FOXP1: variants seen among roughly 807,000 people sequenced by gnomAD.
The protein encoded by FOXP1 is forkhead box P1.
A neutral mutation model predicts 98.2 loss-of-function variants in FOXP1; 15 were observed. The ratio of observed to expected loss-of-function variants is 0.15; its 90% CI spans 0.10 to 0.24. The LOEUF is 0.24. Ranked by LOEUF, FOXP1 falls within the 10% of genes least tolerant of loss-of-function variation. The probability of loss-of-function intolerance (pLI) is 1.00; values close to 1 mark genes in which losing one functional copy is unlikely to be tolerated. For missense variants in FOXP1, 633 were observed against 848.5 expected (o/e 0.75, Z 3.15); for synonymous variants, 371 against 314.5 (o/e 1.18, Z -1.90).
At chr3:71,123,832 G>C (rs937327493) in intron 6 of FOXP1, among the ~76,000 whole-genome samples, 1 of 152,060 alleles carries the variant, frequency 6.6e-6, no homozygotes, top group African/African-American at 2.4e-5. Context: ...CCTGGTCCCT[G>C]GTCATTGGGG....
chr3:71,151,565 T>C (rs571507941), intron 6 of FOXP1, among the ~76,000 whole-genome samples: 9 of 151,856 alleles, frequency 5.9e-5, no homozygotes, highest in African/African-American at 1.7e-4. Flanking sequence ...GCAAGGGATA[T>C]AGCCACCTCT....
intron 2 of FOXP1, among the ~76,000 whole-genome samples, chr3:71,565,513 C>T (rs2046842897): frequency 6.6e-6 from 1 of 152,160 alleles, no homozygotes; most frequent in South Asian, 2.1e-4. Flanking sequence ...ACGACACCTG[C>T]CTTCTGGCCT....
intron 7 of FOXP1, among the ~76,000 whole-genome samples, chr3:71,110,813 A>C (rs992189097): frequency 1.3e-5 from 2 of 152,210 alleles, no homozygotes; most frequent in African/African-American, 2.4e-5. Context: ...AGCTGTTCTT[A>C]AGACATCTGC....
At chr3:70,964,906 C>A (rs1231389045) in intron 20 of FOXP1, among the ~76,000 whole-genome samples, 1 of 152,128 alleles carries the variant, frequency 6.6e-6, no homozygotes. Context: ...ATTCCATATG[C>A]TCCTAATTGT....
At chr3:71,032,522 T>C (rs1299552266) in intron 11 of FOXP1, among the ~76,000 whole-genome samples, 4 of 152,182 alleles carry the variant, frequency 2.6e-5, no homozygotes, top group Non-Finnish European at 5.9e-5. Flanking sequence ...TAGTTTATAA[T>C]ATACTTAGGC....
intron 6 of FOXP1, among the ~76,000 whole-genome samples, chr3:71,165,297 T>C (rs2061347869): frequency 6.6e-6 from 1 of 151,644 alleles, no homozygotes; most frequent in South Asian, 2.1e-4. Context: ...ATGACTTCTC[T>C]AAAATCATCA....
At chr3:71,377,065 T>C (rs1266220493) in intron 3 of FOXP1, among the ~76,000 whole-genome samples, 2 of 152,068 alleles carry the variant, frequency 1.3e-5, no homozygotes, top group Non-Finnish European at 2.9e-5. Context: ...ACTGAACTGA[T>C]GTTAAGGTGT....
chr3:71,039,135 A>C (rs904354228), intron 11 of FOXP1, among the ~76,000 whole-genome samples: 1 of 151,962 alleles, frequency 6.6e-6, no homozygotes, highest in African/African-American at 2.4e-5. Context: ...GAGATTCAAG[A>C]GATTAAGTAG....
intron 5 of FOXP1, among the ~76,000 whole-genome samples, chr3:71,198,848 T>C (rs1047768352): frequency 5.3e-5 from 8 of 151,998 alleles, no homozygotes; most frequent in Admixed American, 3.3e-4. Context: ...CATGCCACCA[T>C]GCCCGGCTAA....
At chr3:71,390,387 A>G (rs574736642) in intron 3 of FOXP1, among the ~76,000 whole-genome samples, 112 of 152,356 alleles carry the variant, frequency 7.4e-4, no homozygotes, top group Non-Finnish European at 1.2e-3. Context: ...TCCATATCTC[A>G]GTGCGACATG....
intron 6 of FOXP1, among the ~76,000 whole-genome samples, chr3:71,128,153 G>A (rs371556304): frequency 2.6e-5 from 4 of 152,248 alleles, no homozygotes; most frequent in Non-Finnish European, 4.4e-5. Flanking sequence ...CTAGAATCAC[G>A]CACATCACTT....
At chr3:71,577,431 A>C (rs1341282816) in intron 2 of FOXP1, among the ~76,000 whole-genome samples, 2 of 151,926 alleles carry the variant, frequency 1.3e-5, no homozygotes, top group African/African-American at 4.8e-5. Flanking sequence ...ATAAACTACA[A>C]ACGTCCCAGG....
chr3:71,430,997 C>T (rs2084663539), intron 3 of FOXP1, among the ~76,000 whole-genome samples: 1 of 152,140 alleles, frequency 6.6e-6, no homozygotes, highest in African/African-American at 2.4e-5. Context: ...TCTACCCCAC[C>T]ACTTTGATTT....
chr3:71,549,377 T>C (rs1422681788), intron 2 of FOXP1, among the ~76,000 whole-genome samples: 1 of 152,212 alleles, frequency 6.6e-6, no homozygotes, highest in East Asian at 1.9e-4. Flanking sequence ...TACTTTATTA[T>C]TTAAAAAAAT....
At chr3:71,059,316 T>C (rs1389041963) in intron 7 of FOXP1, among the ~76,000 whole-genome samples, 2 of 152,158 alleles carry the variant, frequency 1.3e-5, no homozygotes, top group African/African-American at 4.8e-5. Flanking sequence ...TGTCTTTAAA[T>C]TCTAAAAAGT....
chr3:71,479,809 G>C (rs2090133791), intron 3 of FOXP1, among the ~76,000 whole-genome samples: 1 of 152,094 alleles, frequency 6.6e-6, no homozygotes, highest in Non-Finnish European at 1.5e-5. Context: ...AACTAATCTT[G>C]GTTATGTTTA....
In FOXP1 at chr3:70,965,981, T is replaced by A; in HGVS notation, c.1798A>T (p.Ser600Cys). The A allele has an allele frequency of 6.2e-7, 1 of 1,614,128 alleles. No homozygotes were observed. Among genetic ancestry groups the A allele is most frequent in the Non-Finnish European group, 8.5e-7 (1 of 1,180,000 alleles). The change falls in exon 20 of 21, where the codon AGC (serine) becomes TGC (cysteine). Residue 600 changes from serine (S) to cysteine (C), a missense_variant. By Grantham distance (112) the Ser-to-Cys change is moderately radical (BLOSUM62 -1). Transcript: ENST00000649528. Reference protein sequence around the residue: ...MGNPTLGNLASAIREELNGAM... With the variant: ...MGNPTLGNLACAIREELNGAM... ...CCGTTCAGCTCTTCCCGTATTGCGC[T>A]GGCTAAGTTGCCCAGAGTGGGATTT...
At chr3:71,083,694 AAACAG>A (rs138264933) in intron 7 of FOXP1, among the ~76,000 whole-genome samples, 37 of 152,192 alleles carry the variant, frequency 2.4e-4, no homozygotes, top group Non-Finnish European at 4.6e-4. Context: ...AATAGGAAAG[AAACAG>A]AACAGAACAG....
At chr3:71,502,241 C>T (rs1413603372) in intron 2 of FOXP1, among the ~76,000 whole-genome samples, 1 of 152,226 alleles carries the variant, frequency 6.6e-6, no homozygotes, top group African/African-American at 2.4e-5. Context: ...AAGGCAGGCC[C>T]CCTGCTAGCA....
Sources: gnomAD v4.1 joint callset for allele counts (sites outside exome capture counted in the v4.1 genomes callset) on GRCh38, gnomAD v4.1.1 for gene constraint, MANE v1.5 for transcripts, NCBI Gene and HGNC (gene_info 2026-07-23, HGNC 2026-07-21) for gene names.